Variants in DOCK1 observed in about 807,000 individuals in gnomAD.
DOCK1 encodes dedicator of cytokinesis protein 1.
A neutral mutation model predicts 262.7 loss-of-function variants in DOCK1; 138 were observed. That is an observed-to-expected ratio of 0.53 (90% CI 0.46 to 0.61). The LOEUF (loss-of-function observed/expected upper bound fraction) is 0.61. Ranked by LOEUF, DOCK1 falls within the 20% of genes least tolerant of loss-of-function variation. The probability of loss-of-function intolerance (pLI) is 0.00; values close to 1 mark genes in which losing one functional copy is unlikely to be tolerated. For synonymous variants in DOCK1, 866 were observed against 867.4 expected (o/e 1.00, Z 0.03); for missense variants, 1,908 against 2,370.7 (o/e 0.80, Z 4.05).
chr10:126,979,924 G>C (rs1255827230), intron 3 of DOCK1, among the ~76,000 whole-genome samples: 1 of 152,158 alleles, frequency 6.6e-6, no homozygotes. Context: ...AAACCTGCAG[G>C]TGTGTCCAGC....
chr10:126,959,494 C>A (rs1317700507), intron 1 of DOCK1, among the ~76,000 whole-genome samples: 2 of 152,038 alleles, frequency 1.3e-5, no homozygotes, highest in African/African-American at 2.4e-5. Flanking sequence ...CTTCCCAGAC[C>A]CCTTAGACAC....
At chr10:127,205,425 C>T (rs910011682) in intron 27 of DOCK1, among the ~76,000 whole-genome samples, 8 of 152,136 alleles carry the variant, frequency 5.3e-5, no homozygotes, top group African/African-American at 1.9e-4. Flanking sequence ...GGGCGAGTTG[C>T]ATGATGCATT....
chr10:127,021,488 T>C (rs1262047257), intron 13 of DOCK1, among the ~76,000 whole-genome samples: 1 of 152,094 alleles, frequency 6.6e-6, no homozygotes, highest in African/African-American at 2.4e-5. Context: ...TTGATGATGG[T>C]GTTTGTGCCT....
chr10:127,321,263 TCCTCC>T (rs2062512107), intron 29 of DOCK1, among the ~76,000 whole-genome samples: 1 of 86,040 alleles, frequency 1.2e-5, no homozygotes, highest in African/African-American at 4.6e-5. Context: ...TCCTCCCCTC[TCCTCC>T]CCTCGGCCCT....
chr10:127,151,483 A>C (rs1191712141), intron 27 of DOCK1, among the ~76,000 whole-genome samples: 1 of 152,142 alleles, frequency 6.6e-6, no homozygotes, highest in East Asian at 1.9e-4. Flanking sequence ...GATTTTAAAA[A>C]TCAGGAAAGA....
intron 40 of DOCK1, 146 bp from the exon 41 acceptor site, chr10:127,408,889 CAA>C (rs3832704): frequency 4.9e-5 from 53 of 1,084,712 alleles, no homozygotes; most frequent in Middle Eastern, 3.1e-4. Context: ...AACGCAAGTA[CAA>C]AAAAAAATAA....
At chr10:127,159,798 A>G (rs1012127830) in intron 27 of DOCK1, among the ~76,000 whole-genome samples, 2 of 152,120 alleles carry the variant, frequency 1.3e-5, no homozygotes, top group Non-Finnish European at 2.9e-5. Context: ...CACTGCAGGA[A>G]TGATAAAGGA....
At chr10:127,215,359 G>A (rs563178582) in intron 27 of DOCK1, among the ~76,000 whole-genome samples, 1 of 152,290 alleles carries the variant, frequency 6.6e-6, no homozygotes, top group Admixed American at 6.5e-5. Flanking sequence ...CAGCCACGCA[G>A]CTCCATGTGA....
chr10:127,140,208 G>A (rs1406366187), intron 27 of DOCK1, among the ~76,000 whole-genome samples: 1 of 152,176 alleles, frequency 6.6e-6, no homozygotes, highest in East Asian at 1.9e-4. Flanking sequence ...ACTACACTGG[G>A]AATCCTGTTA....
chr10:127,002,998 A>G (rs1375056354), intron 10 of DOCK1, among the ~76,000 whole-genome samples: 1 of 152,186 alleles, frequency 6.6e-6, no homozygotes, highest in African/African-American at 2.4e-5. Flanking sequence ...GTCCCCCCTC[A>G]CTTAGGGGTT....
chr10:127,197,830 T>A (rs2057279890), intron 27 of DOCK1, among the ~76,000 whole-genome samples: 2 of 152,196 alleles, frequency 1.3e-5, no homozygotes, highest in Admixed American at 1.3e-4. Flanking sequence ...TTTTTATAAA[T>A]GACTTTATAC....
At chr10:127,121,237 T>TC (rs2049542320) in intron 25 of DOCK1, among the ~76,000 whole-genome samples, 1 of 151,880 alleles carries the variant, frequency 6.6e-6, no homozygotes, top group African/African-American at 2.4e-5. Flanking sequence ...TTTTTTTTTT[T>TC]TTTTCTCCTG....
At chr10:127,411,950 A>AT (rs1273983534) in intron 43 of DOCK1, among the ~76,000 whole-genome samples, 10 of 151,808 alleles carry the variant, frequency 6.6e-5, no homozygotes. Context: ...TTTTTTCTTT[A>AT]TTTTTTTATT....
At chr10:127,120,570 A>C (rs1339584754) in intron 25 of DOCK1, among the ~76,000 whole-genome samples, 5 of 152,186 alleles carry the variant, frequency 3.3e-5, no homozygotes, top group Non-Finnish European at 7.3e-5. Flanking sequence ...CTTACAGCAC[A>C]TCTCTGTTTG....
At chr10:127,388,542 C>T (rs544129832) in intron 38 of DOCK1, among the ~76,000 whole-genome samples, 5 of 152,302 alleles carry the variant, frequency 3.3e-5, no homozygotes, top group East Asian at 1.9e-4. Context: ...ATTCATCTTC[C>T]GTAACAATCT....
At chr10:127,431,920 C>T (rs543977840) in intron 47 of DOCK1, among the ~76,000 whole-genome samples, 11 of 152,206 alleles carry the variant, frequency 7.2e-5, no homozygotes, top group Non-Finnish European at 1.3e-4. Flanking sequence ...TGGAGGTGAG[C>T]GGCGGGTGAG....
rs556580150 is a variant in DOCK1 at position 127,175,021 on chromosome 10, G to C, written c.2847+47257G>C. ...ATGAACATTAACCAGAAAGCGTATC[G>C]TGCAGGATGCAGTGACGTCTAGTAT... On this transcript the variant is annotated intron_variant, in intron 27 of 51. Coordinates refer to ENST00000623213, the MANE Select transcript of DOCK1 (RefSeq NM_001290223.2). The surrounding 1 kb of genome is among the most constrained non-coding windows in gnomAD (Gnocchi z 6.3). 1.3e-5 allele frequency among the ~76,000 whole-genome samples: 2 copies of C among 152,246 alleles called. No individual in the cohort carries two copies. Among genetic ancestry groups the C allele is most frequent in the African/African-American group, 4.8e-5 (2 of 41,548 alleles).
chr10:127,195,429 TGGA>T (rs1375577243), intron 27 of DOCK1, among the ~76,000 whole-genome samples: 1 of 151,816 alleles, frequency 6.6e-6, no homozygotes, highest in African/African-American at 2.4e-5. Flanking sequence ...CCCCAGCGAG[TGGA>T]GGAGACGAGC....
intron 38 of DOCK1, among the ~76,000 whole-genome samples, chr10:127,389,872 A>G (rs1197088971): frequency 6.6e-6 from 1 of 151,976 alleles, no homozygotes; most frequent in Non-Finnish European, 1.5e-5. Context: ...AAATTAGCCC[A>G]TCGTGGTGGC....
Sources: allele counts gnomAD v4.1 joint callset (sites outside exome capture counted in the v4.1 genomes callset), GRCh38; gene constraint gnomAD v4.1.1; non-coding constraint Gnocchi (gnomAD v3.1); transcripts MANE v1.5; gene names NCBI Gene and HGNC (gene_info 2026-07-23, HGNC 2026-07-21).